Variants in MYOM1 observed in about 807,000 individuals in gnomAD.
MYOM1 encodes myomesin-1.
A neutral mutation model predicts 205.3 loss-of-function variants in MYOM1; 164 were observed. That is an observed-to-expected ratio of 0.80 (90% CI 0.70 to 0.91). The LOEUF is 0.91. Ranked by LOEUF, MYOM1 falls within the 40% of genes least tolerant of loss-of-function variation. The pLI is 0.00. For synonymous variants in MYOM1, 772 were observed against 789.4 expected, an observed-to-expected ratio of 0.98 and a Z score of 0.37; for missense variants, 2,011 against 2,127.3, an observed-to-expected ratio of 0.95 and a Z score of 1.08.
At chr18:3,192,697 G>C (rs186493391) in intron 3 of MYOM1, among the ~76,000 whole-genome samples, 59 of 152,292 alleles carry the variant, frequency 3.9e-4, no homozygotes, top group Middle Eastern at 3.4e-3. Context: ...TAATCTTGGT[G>C]TCCAGGACAA....
chr18:3,120,104 T>A (rs1003549265), intron 19 of MYOM1, 109 bp from the exon 20 acceptor site: 3 of 1,386,824 alleles, frequency 2.2e-6, no homozygotes, highest in Non-Finnish European at 2.9e-6. Flanking sequence ...CACCCTAGGG[T>A]GACCCTCAAT....
At position 3,134,821 on chromosome 18, in the gene MYOM1, A is replaced by G. The variant is rs2143906970; in HGVS notation, c.2213T>C (p.Ile738Thr). 3 of 1,613,964 alleles carry G rather than the reference A, an allele frequency of 1.9e-6. No homozygotes were observed. The highest frequency in any genetic ancestry group is 1.7e-4 in the Middle Eastern group (1 of 6,060). Residue 738 changes from isoleucine (I) to threonine (T), a missense_variant, in exon 16 of 38, where the codon ATC becomes ACC. Ile to Thr is a moderately conservative substitution (Grantham distance 89). Coordinates refer to ENST00000356443, the MANE Select transcript of MYOM1 (RefSeq NM_003803.4). ...GATGATTTTGCCAGGAGCCTTGGGG[A>G]TATCTGAGAAAGAGGAAAATGGTGA... ...EVTVVGDKLD[I>T]PKAPGKIIPS... is the part of the protein sequence containing the mutation.
rs1397375643 is a variant in MYOM1, at chr18:3,166,284, T to TTTTTA, written c.1340-1846_1340-1845insTAAAA. Among the ~76,000 whole-genome samples, 20 of 149,460 alleles carry TTTTTA rather than the reference T, an allele frequency of 1.3e-4. 1 individual carries two copies. The South Asian group carries it at 3.4e-3, about 26-fold the overall frequency. On this transcript the variant is annotated intron_variant, in intron 9 of 37. Coordinates refer to ENST00000356443, the MANE Select transcript of MYOM1 (RefSeq NM_003803.4). ...AAGTCTTTTTTTTTTTTTTTTTTTT[T>TTTTTA]ATTTGAGGCGGCGTCTCAGTCTGTC...
the MYOM1 span, among the ~76,000 whole-genome samples, chr18:3,239,247 T>C: frequency 6.6e-6 from 1 of 152,116 alleles, no homozygotes; most frequent in African/African-American, 2.4e-5. Flanking sequence ...TGGCTTTCTA[T>C]AGGAGCAAGG....
In MYOM1 at chr18:3,126,650, G is replaced by A. The variant is rs1598699887; in HGVS notation, c.2991+51C>T. 10 of 1,529,732 alleles carry A rather than the reference G, an allele frequency of 6.5e-6. No homozygotes were observed. The East Asian group carries it at 1.4e-4, about 21-fold the overall frequency. 94.8% of individuals were successfully genotyped at this position (1,529,732 alleles called of 1,614,324 possible). A position where few individuals can be genotyped will look rare whatever the true frequency, so the allele number is the denominator to read the frequency against. On this transcript the variant is annotated intron_variant, in intron 19 of 37. Transcript: ENST00000356443. ...GGTGTGTGCCTGCCTGGGCGTGCAAGCATAGCGTCATACATAGGACACGCC... is the reference window on the plus strand; with the variant it reads ...GGTGTGTGCCTGCCTGGGCGTGCAAACATAGCGTCATACATAGGACACGCC...
Position 3,094,194 on chromosome 18 carries a change from G to T in MYOM1, c.3840C>A (p.Asn1280Lys). Residue 1280 changes from asparagine to lysine, a missense_variant, in exon 26 of 38, where the codon AAC becomes AAA. Physicochemically the swap from Asn to Lys is moderately conservative, Grantham distance 94 (BLOSUM62 0). Coordinates refer to ENST00000356443, the MANE Select transcript of MYOM1 (RefSeq NM_003803.4). The part of the protein sequence containing the change: ...SGNAKVNYIF[N>K]EKEIFEGPKY... The stretch of plus-strand genomic sequence containing the variant: ...CCGGGCCTTCAAAAATTTCCTTCTC[G>T]TTAAATATGTAGTTGACTTTGGCAT... 6.2e-7 allele frequency: 1 copy of T among 1,613,826 alleles called. No homozygotes were observed. Among genetic ancestry groups the T allele is most frequent in the East Asian group, 2.2e-5 (1 of 44,882 alleles).
intron 37 of MYOM1, among the ~76,000 whole-genome samples, chr18:3,068,565 G>A (rs1378760132): frequency 6.6e-6 from 1 of 151,730 alleles, no homozygotes; most frequent in East Asian, 1.9e-4. Flanking sequence ...CTAATCTCTG[G>A]CAACCACTCA....
chr18:3,245,572 C>T, the MYOM1 span, among the ~76,000 whole-genome samples: 1 of 149,704 alleles, frequency 6.7e-6, no homozygotes, highest in Non-Finnish European at 1.5e-5. Context: ...TATCGAGATG[C>T]TATTTTTCCA....
intron 19 of MYOM1, among the ~76,000 whole-genome samples, chr18:3,124,224 G>C (rs749579626): frequency 6.0e-5 from 9 of 151,258 alleles, no homozygotes; most frequent in Non-Finnish European, 8.8e-5. Context: ...CACGAACACA[G>C]ACTCACGCAT....
chr18:3,168,561 T>C (rs2080506688), intron 9 of MYOM1, among the ~76,000 whole-genome samples: 1 of 152,222 alleles, frequency 6.6e-6, no homozygotes, highest in South Asian at 2.1e-4. Flanking sequence ...AGTGCTGAGA[T>C]TACAGGCATG....
At chr18:3,241,635 T>G in the MYOM1 span, among the ~76,000 whole-genome samples, 1 of 152,150 alleles carries the variant, frequency 6.6e-6, no homozygotes, top group South Asian at 2.1e-4. Context: ...CAACACAGAC[T>G]CCCTACTGGG....
At position 3,205,665 on chromosome 18, in the gene MYOM1, T is replaced by C. The variant is rs1250130578; in HGVS notation, c.290+9269A>G. Among the ~76,000 whole-genome samples, 3 of 152,314 alleles carry C rather than the reference T, an allele frequency of 2.0e-5. No homozygotes were observed. The South Asian group carries it at 6.2e-4, about 32-fold the overall frequency. ...TTTGGAAAACCACTGGGTAGTTTCT[T>C]ATAGAGTTAAATGTAAACTTAGCAT... On this transcript the variant is annotated intron_variant, in intron 2 of 37. Transcript: ENST00000356443.
intron 5 of MYOM1, among the ~76,000 whole-genome samples, chr18:3,185,563 T>C (rs969055623): frequency 2.0e-5 from 3 of 152,214 alleles, no homozygotes; most frequent in Admixed American, 2.0e-4. Flanking sequence ...AAGTAATTGG[T>C]TTTTTAAGAA....
intron 11 of MYOM1, among the ~76,000 whole-genome samples, chr18:3,154,715 ATATG>A (rs759218887): frequency 2.0e-5 from 3 of 151,984 alleles, no homozygotes; most frequent in Admixed American, 1.3e-4. Context: ...GTATGTGTAT[ATATG>A]TATGTATGTA....
intron 2 of MYOM1, among the ~76,000 whole-genome samples, chr18:3,208,200 T>C (rs1206163461): frequency 6.6e-6 from 1 of 152,108 alleles, no homozygotes; most frequent in Admixed American, 6.6e-5. Flanking sequence ...TTAGGGTTGG[T>C]CTTTGGGATT....
intron 18 of MYOM1, among the ~76,000 whole-genome samples, chr18:3,128,776 T>C (rs898316068): frequency 2.6e-5 from 4 of 152,236 alleles, no homozygotes; most frequent in African/African-American, 9.6e-5. Context: ...AATCGCTTAA[T>C]AATCTGAGGA....
chr18:3,108,418 C>A (rs1187222079), intron 22 of MYOM1, among the ~76,000 whole-genome samples: 1 of 152,066 alleles, frequency 6.6e-6, no homozygotes, highest in African/African-American at 2.4e-5. Context: ...AAATAAGGGT[C>A]CTGTACATAG....
chr18:3,143,103 T>C (rs1400242934), intron 13 of MYOM1, among the ~76,000 whole-genome samples: 1 of 152,070 alleles, frequency 6.6e-6, no homozygotes, highest in Non-Finnish European at 1.5e-5. Context: ...AATCAAATGC[T>C]GAAAAAACAG....
chr18:3,188,293 T>C (rs1287261421), intron 4 of MYOM1, among the ~76,000 whole-genome samples: 1 of 152,204 alleles, frequency 6.6e-6, no homozygotes, highest in Non-Finnish European at 1.5e-5. Flanking sequence ...TCTTACGTTT[T>C]GTTTCTCCAA....
Sources: gnomAD v4.1 joint callset for allele counts (sites outside exome capture counted in the v4.1 genomes callset) on GRCh38, gnomAD v4.1.1 for gene constraint, MANE v1.5 for transcripts, NCBI Gene and HGNC (gene_info 2026-07-23, HGNC 2026-07-21) for gene names.